Variants in CHD6 observed in about 807,000 individuals in gnomAD.
CHD6 encodes the protein chromodomain helicase DNA binding protein 6, also known as ATP-dependent chromatin remodeler CHD6.
CHD6 carries 50 observed loss-of-function variants against 276.9 expected under a neutral mutation model. The observed-to-expected ratio is 0.18, with a 90% confidence interval of 0.14 to 0.23. CHD6 has a LOEUF of 0.23. CHD6 is among the 10% of genes least tolerant of loss of function. The pLI, the probability that CHD6 is intolerant of heterozygous loss-of-function variation, is 1.00. For missense variants in CHD6, 2,564 were observed against 3,365.8 expected, an observed-to-expected ratio of 0.76 and a Z score of 5.89; for synonymous variants, 1,173 against 1,229.3, an observed-to-expected ratio of 0.95 and a Z score of 0.96.
chr20:41,561,059 T>TA (rs1776248359), intron 1 of CHD6, among the ~76,000 whole-genome samples: 1 of 152,162 alleles, frequency 6.6e-6, no homozygotes, highest in Admixed American at 6.5e-5. Flanking sequence ...GGCCAGATAA[T>TA]AAATATTTTA....
chr20:41,408,404 T>C (rs1352476730), intron 36 of CHD6, among the ~76,000 whole-genome samples: 1 of 152,170 alleles, frequency 6.6e-6, no homozygotes, highest in Non-Finnish European at 1.5e-5. Flanking sequence ...GGAGGATCAC[T>C]GGGGACGCAA....
Position 41,452,959 on chromosome 20 carries a change from C to T in CHD6, c.3121-17G>A. 1 of 1,604,984 alleles carries T rather than the reference C, an allele frequency of 6.2e-7. No homozygotes were observed. Among genetic ancestry groups the T allele is most frequent in the Non-Finnish European group, 8.5e-7 (1 of 1,171,978 alleles). ...TAAGCTTTCCTAGAAATGGAGAGGA[C>T]TACTGGGAAGAAAGTCCTCTTTTCT... On this transcript the variant is annotated splice_polypyrimidine_tract_variant and intron_variant, in intron 20 of 36. Coordinates refer to ENST00000373233, the MANE Select transcript of CHD6 (RefSeq NM_032221.5). This position sits in a 1 kb window ranked among gnomAD's most constrained non-coding sequence, Gnocchi z 4.2.
chr20:41,500,984 G>A (rs914744957), intron 5 of CHD6, among the ~76,000 whole-genome samples: 10 of 152,078 alleles, frequency 6.6e-5, no homozygotes, highest in Non-Finnish European at 1.5e-4. Context: ...TAACAGCAAA[G>A]GGCCAAAGCT....
rs1158405043 is a variant in CHD6 at position 41,415,179 on chromosome 20, T to C, written c.6939+7A>G. 1.2e-6 allele frequency: 2 copies of C among 1,611,528 alleles called. No homozygotes were observed. The highest frequency in any genetic ancestry group is 1.7e-5 in the Admixed American group (1 of 59,958). Reference sequence around the variant, plus strand: ...AATGTTTTTAATCTAATGACCTCAATACCCACCAAGATTCCCGCCTGAAGT... The same window carrying C: ...AATGTTTTTAATCTAATGACCTCAACACCCACCAAGATTCCCGCCTGAAGT... On this transcript the variant is annotated splice_region_variant and intron_variant, in intron 34 of 36. Coordinates refer to ENST00000373233, the MANE Select transcript of CHD6 (RefSeq NM_032221.5).
chr20:41,463,149 T>A (rs2042841152), intron 17 of CHD6, among the ~76,000 whole-genome samples: 1 of 152,142 alleles, frequency 6.6e-6, no homozygotes, highest in Non-Finnish European at 1.5e-5. Context: ...TAGTAACAGA[T>A]TATAACTCAC....
intron 1 of CHD6, among the ~76,000 whole-genome samples, chr20:41,599,892 G>A (rs553326004): frequency 5.8e-4 from 89 of 152,266 alleles, no homozygotes; most frequent in African/African-American, 1.9e-3. Flanking sequence ...TAGCCAATTG[G>A]GTCAGCTTAG....
intron 5 of CHD6, among the ~76,000 whole-genome samples, chr20:41,506,245 C>T (rs952267894): frequency 2.6e-5 from 4 of 152,148 alleles, no homozygotes; most frequent in South Asian, 2.1e-4. Flanking sequence ...TATTATGCTC[C>T]GCTTACACTG....
intron 1 of CHD6, among the ~76,000 whole-genome samples, chr20:41,587,079 C>G (rs544093024): frequency 2.6e-5 from 4 of 152,016 alleles, no homozygotes; most frequent in African/African-American, 9.7e-5. Flanking sequence ...TCCAAAGAAT[C>G]TATAAAAAGA....
rs1375900487 is a variant in CHD6, at chr20:41,484,498, G to A, written c.2111C>T (p.Thr704Ile). The change falls in exon 15 of 37, where the codon ACC becomes ATC. Residue 704 changes from threonine to isoleucine, a missense_variant. By Grantham distance (89) the Thr-to-Ile change is moderately conservative (BLOSUM62 -1). This residue lies in a region of CHD6 where 457 missense variants were observed against 889.0 expected (regional missense o/e 0.51). Transcript: ENST00000373233. ...ACGGTAGTACTTTTTCTGGATATTGGTCAGTTCCACCTCAATGATCGTCTC... is the reference window on the plus strand; with the variant it reads ...ACGGTAGTACTTTTTCTGGATATTGATCAGTTCCACCTCAATGATCGTCTC... ...KQETIIEVEL[T>I]NIQKKYYRAI... 2.5e-6 allele frequency: 4 copies of A among 1,613,794 alleles called. No homozygotes were observed. Among genetic ancestry groups the A allele is most frequent in the Non-Finnish European group, 2.5e-6 (3 of 1,179,822 alleles).
chr20:41,594,289 G>A (rs2045695119), intron 1 of CHD6, among the ~76,000 whole-genome samples: 1 of 152,148 alleles, frequency 6.6e-6, no homozygotes, highest in Non-Finnish European at 1.5e-5. Flanking sequence ...CATGGCTCCA[G>A]CCTAAGATGG....
intron 17 of CHD6, among the ~76,000 whole-genome samples, chr20:41,457,945 G>T (rs1454499392): frequency 6.6e-6 from 1 of 152,088 alleles, no homozygotes; most frequent in Non-Finnish European, 1.5e-5. Context: ...GCATCATACT[G>T]TTTCATTCTT....
rs16985802 is a variant in CHD6, at chr20:41,456,852, T to C, written c.2829+412A>G. ...TTCATTTACTGACCATCCAGCACTT[T>C]ATGTTTTTAATATGCCGAGCACTGT... On this transcript the variant is annotated intron_variant, in intron 18 of 36. Transcript: ENST00000373233. Among the ~76,000 whole-genome samples, 1,158 of 152,326 alleles carry C rather than the reference T, an allele frequency of 7.6e-3. 18 individuals are homozygous for C. Among genetic ancestry groups the C allele is most frequent in the African/African-American group, 0.026 (1,095 of 41,570 alleles).
At chr20:41,573,696 C>T (rs1426612865) in intron 1 of CHD6, among the ~76,000 whole-genome samples, 1 of 152,082 alleles carries the variant, frequency 6.6e-6, no homozygotes, top group Non-Finnish European at 1.5e-5. Context: ...AACATCAAGA[C>T]CTAAGCTTTA....
In CHD6 at chr20:41,420,685, T is replaced by C. The variant is rs200909537; in HGVS notation, c.5950A>G (p.Ile1984Val). 20 of 1,614,246 alleles carry C rather than the reference T, an allele frequency of 1.2e-5. No homozygotes were observed. In the South Asian group the frequency reaches 1.9e-4, roughly 15 times the overall value. The change falls in exon 31 of 37, where the codon ATT (isoleucine) becomes GTT (valine). Residue 1984 changes from isoleucine (I) to valine (V), a missense_variant. Around this residue, in one of 7 missense-constraint regions of CHD6, gnomAD observed 1,024 missense variants for 1,047.9 expected, o/e 0.98. Transcript: ENST00000373233. The stretch of plus-strand genomic sequence containing the variant: ...TTCACTTTAAACGGCTGTGATGGAA[T>C]AGCAGTGGGTTCACCCTCCATGGCG... ...TIAMEGEPTA[I>V]PSQPFKVKHE...
intron 23 of CHD6, among the ~76,000 whole-genome samples, chr20:41,449,268 C>A (rs2048165693): frequency 6.6e-6 from 1 of 152,124 alleles, no homozygotes; most frequent in African/African-American, 2.4e-5. Context: ...ACAACCACTG[C>A]CAATCCTTAA....
intron 1 of CHD6, among the ~76,000 whole-genome samples, chr20:41,613,051 A>G (rs1568734271): frequency 6.6e-6 from 1 of 152,052 alleles, no homozygotes; most frequent in East Asian, 1.9e-4. Flanking sequence ...TTAATATAAA[A>G]TCCTTTTTAT....
intron 32 of CHD6, among the ~76,000 whole-genome samples, 186 bp downstream of exon 32, chr20:41,417,012 A>C (rs773570762): frequency 2.0e-5 from 3 of 152,244 alleles, no homozygotes; most frequent in Non-Finnish European, 4.4e-5. Context: ...TGACACCTTC[A>C]TCTTACAGTC....
At chr20:41,422,634 C>T (rs1031697143) in intron 30 of CHD6, among the ~76,000 whole-genome samples, 1 of 152,184 alleles carries the variant, frequency 6.6e-6, no homozygotes, top group African/African-American at 2.4e-5. Context: ...ACTTTATACA[C>T]ATCTCTTAGT....
rs762825520 is a variant in CHD6 at position 41,421,309 on chromosome 20, T to G, written c.5326A>C (p.Asn1776His). 6.2e-7 allele frequency: 1 copy of G among 1,614,200 alleles called. No homozygotes were observed. Among genetic ancestry groups the G allele is most frequent in the African/African-American group, 1.3e-5 (1 of 75,064 alleles). The change falls in exon 31 of 37, where the codon AAT (asparagine) becomes CAT (histidine). Residue 1776 changes from asparagine to histidine, a missense_variant. This residue lies in a region of CHD6 where 1,024 missense variants were observed against 1,047.9 expected (regional missense o/e 0.98). Transcript: ENST00000373233. Reference protein sequence around the residue: ...AGGVAQANIKNGKHLLMSISK... With the variant: ...AGGVAQANIKHGKHLLMSISK... ...ATAGACATCAACAAATGTTTTCCAT[T>G]TTTGATGTTTGCTTGAGCTACTCCT...
Sources: gnomAD v4.1 joint callset for allele counts (sites outside exome capture counted in the v4.1 genomes callset) on GRCh38, gnomAD v4.1.1 for gene constraint, gnomAD v4.1.1 regional missense constraint, Gnocchi (gnomAD v3.1) non-coding constraint, MANE v1.5 for transcripts, NCBI Gene and HGNC (gene_info 2026-07-23, HGNC 2026-07-21) for gene names.